Variants in CFAP77 observed in about 807,000 individuals in gnomAD.
The protein encoded by CFAP77 is cilia- and flagella-associated protein 77.
Under a neutral mutation model 31.1 loss-of-function variants are expected in CFAP77, and 25 were observed. The observed-to-expected ratio is 0.80, with a 90% confidence interval of 0.59 to 1.12. CFAP77 has a LOEUF of 1.12. Ranked by LOEUF, CFAP77 falls within the 50% of genes most tolerant of loss-of-function variation. CFAP77 has a pLI of 0.00. For synonymous variants in CFAP77, 151 were observed against 159.9 expected (o/e 0.94, Z 0.42); for missense variants, 377 against 397.3 (o/e 0.95, Z 0.44).
chr9:132,520,711 C>A (rs1178437153), intron 3 of CFAP77, among the ~76,000 whole-genome samples: 1 of 152,226 alleles, frequency 6.6e-6, no homozygotes, highest in Non-Finnish European at 1.5e-5. Flanking sequence ...CCTTCCCCTG[C>A]CTCCAGGAGG....
intron 1 of CFAP77, among the ~76,000 whole-genome samples, chr9:132,438,884 T>C (rs1303269443): frequency 6.6e-6 from 1 of 151,262 alleles, no homozygotes; most frequent in East Asian, 1.9e-4. Context: ...TCTTTTCTTT[T>C]TTTTTTTCTG....
intron 3 of CFAP77, among the ~76,000 whole-genome samples, chr9:132,522,121 G>A (rs1037669487): frequency 3.3e-5 from 5 of 152,146 alleles, no homozygotes; most frequent in African/African-American, 1.2e-4. Flanking sequence ...GCCAGGGGAT[G>A]GGGGCTGTTG....
At chr9:132,457,347 C>T (rs954115715) in intron 1 of CFAP77, among the ~76,000 whole-genome samples, 18 of 152,132 alleles carry the variant, frequency 1.2e-4, no homozygotes, top group Non-Finnish European at 2.1e-4. Flanking sequence ...ATCGAGATTT[C>T]GCTATTATTT....
At chr9:132,472,795 A>G (rs767927975) in intron 1 of CFAP77, among the ~76,000 whole-genome samples, 3 of 151,986 alleles carry the variant, frequency 2.0e-5, no homozygotes, top group Non-Finnish European at 4.4e-5. Context: ...ACAAAAAACA[A>G]TGGCTCGGAT....
At chr9:132,525,778 T>C (rs556597808) in intron 3 of CFAP77, among the ~76,000 whole-genome samples, 1 of 152,346 alleles carries the variant, frequency 6.6e-6, no homozygotes, top group East Asian at 1.9e-4. Flanking sequence ...TCCCAATGCC[T>C]GGAAAATTTC....
intron 3 of CFAP77, among the ~76,000 whole-genome samples, chr9:132,512,527 C>T (rs143129612): frequency 1.1e-4 from 17 of 152,240 alleles, no homozygotes; most frequent in African/African-American, 4.1e-4. Context: ...TTTTAGGTGT[C>T]GTTGGGTTTT....
intron 3 of CFAP77, among the ~76,000 whole-genome samples, chr9:132,518,606 G>A (rs1852190944): frequency 6.6e-6 from 1 of 152,186 alleles, no homozygotes; most frequent in African/African-American, 2.4e-5. Context: ...GAAAGTGCTC[G>A]TTAGGATGGG....
chr9:132,552,653 G>A lies in CFAP77; in HGVS notation c.732+9606G>A, dbSNP rs575061980. 1.1e-4 allele frequency among the ~76,000 whole-genome samples: 16 copies of A among 147,988 alleles called. No homozygotes were observed. The highest frequency in any genetic ancestry group is 2.3e-4 in the African/African-American group (9 of 39,826). The stretch of plus-strand genomic sequence containing the variant: ...TGAGGTTGCTGTGAGCCGAGATCAC[G>A]CCACTGCACTCCAGCCCAGGTGACA... On this transcript the variant is annotated intron_variant, in intron 5 of 5. Coordinates refer to ENST00000393216, the MANE Select transcript of CFAP77 (RefSeq NM_001282957.2). This position sits in a 1 kb window ranked among gnomAD's most constrained non-coding sequence, Gnocchi z 5.5.
chr9:132,458,357 G>GGCGGGGAGTGT (rs139008147), intron 1 of CFAP77, among the ~76,000 whole-genome samples: 3 of 119,100 alleles, frequency 2.5e-5, no homozygotes, highest in Admixed American at 9.8e-5. Flanking sequence ...GAGGGGGGGG[G>GGCGGGGAGTGT]GTGTGTATGG....
At chr9:132,419,046 C>T (rs977391600) in intron 1 of CFAP77, among the ~76,000 whole-genome samples, 16 of 151,974 alleles carry the variant, frequency 1.1e-4, no homozygotes, top group South Asian at 4.2e-4. Context: ...CGTCAGGGTT[C>T]GGGCAAGAAA....
chr9:132,518,260 G>GA (rs1852184624), intron 3 of CFAP77, among the ~76,000 whole-genome samples: 1 of 152,114 alleles, frequency 6.6e-6, no homozygotes. Context: ...TTGTGTAGGG[G>GA]AAACACTCAC....
At chr9:132,454,220 T>C (rs1186134149) in intron 1 of CFAP77, among the ~76,000 whole-genome samples, 1 of 152,116 alleles carries the variant, frequency 6.6e-6, no homozygotes, top group East Asian at 1.9e-4. Flanking sequence ...GTAGCTTCTT[T>C]ATGGGAAAGA....
intron 1 of CFAP77, among the ~76,000 whole-genome samples, chr9:132,459,366 C>T (rs375113425): frequency 1.1e-3 from 162 of 152,180 alleles, no homozygotes; most frequent in Non-Finnish European, 1.8e-3. Flanking sequence ...CCACCGCGCC[C>T]GGCCACCCTG....
chr9:132,420,982 G>A (rs187610902), intron 1 of CFAP77, among the ~76,000 whole-genome samples: 1 of 150,996 alleles, frequency 6.6e-6, no homozygotes, highest in Admixed American at 6.6e-5. Flanking sequence ...GCTCTCATAG[G>A]CTGATGGCTT....
intron 5 of CFAP77, among the ~76,000 whole-genome samples, chr9:132,557,540 A>G (rs1458340054): frequency 7.2e-5 from 11 of 152,236 alleles, no homozygotes; most frequent in Non-Finnish European, 1.2e-4. Flanking sequence ...CTCTTGCCTC[A>G]AAACCCTGGT....
At chr9:132,471,086 C>A (rs983647570) in intron 1 of CFAP77, among the ~76,000 whole-genome samples, 3 of 152,118 alleles carry the variant, frequency 2.0e-5, no homozygotes, top group African/African-American at 7.2e-5. Context: ...GGACGGTGGG[C>A]CCAGGGCACT....
At chr9:132,429,580 C>CATGCCTGTA (rs1850373622) in intron 1 of CFAP77, among the ~76,000 whole-genome samples, 1 of 146,670 alleles carries the variant, frequency 6.8e-6, no homozygotes, top group South Asian at 2.2e-4. Context: ...CCCAGTGGCT[C>CATGCCTGTA]ATGCCTGTAA....
At position 132,455,494 on chromosome 9, in the gene CFAP77, C is replaced by A. The variant is rs1469554582; in HGVS notation, c.196-43201C>A. ...CTGTACTCTAGCCTGGGTGGCAGAG[C>A]GAGACTCCTGAAAAAAAAAAACAAA... On this transcript the variant is annotated intron_variant, in intron 1 of 5. Transcript: ENST00000393216. This position sits in a 1 kb window ranked among gnomAD's most constrained non-coding sequence, Gnocchi z 4.1. 2.0e-5 allele frequency among the ~76,000 whole-genome samples: 3 copies of A among 149,712 alleles called. No individual in the cohort carries two copies. Among genetic ancestry groups the A allele is most frequent in the Non-Finnish European group, 4.4e-5 (3 of 67,570 alleles).
chr9:132,489,868 T>C (rs1851624178), intron 1 of CFAP77, among the ~76,000 whole-genome samples: 1 of 152,040 alleles, frequency 6.6e-6, no homozygotes, highest in Non-Finnish European at 1.5e-5. Context: ...TGGGACCGAG[T>C]CTCGTCAGTT....
Sources: allele counts gnomAD v4.1 joint callset (sites outside exome capture counted in the v4.1 genomes callset), GRCh38; gene constraint gnomAD v4.1.1; non-coding constraint Gnocchi (gnomAD v3.1); transcripts MANE v1.5; gene names NCBI Gene and HGNC (gene_info 2026-07-23, HGNC 2026-07-21).